Variants in BBX observed in about 807,000 individuals in gnomAD.
BBX encodes BBX high mobility group box domain containing.
A neutral mutation model predicts 100.2 loss-of-function variants in BBX; 30 were observed. The observed-to-expected ratio is 0.30, with a 90% CI of 0.22 to 0.41. The LOEUF is 0.41. BBX is among the 10% of genes least tolerant of loss of function. The probability of loss-of-function intolerance (pLI) is 1.00; values close to 1 mark genes in which losing one functional copy is unlikely to be tolerated. For missense variants in BBX, 1,023 were observed against 1,129.8 expected, an observed-to-expected ratio of 0.91 and a Z score of 1.35; for synonymous variants, 376 against 388.1, an observed-to-expected ratio of 0.97 and a Z score of 0.37.
rs1245031050 is a variant in BBX, at chr3:107,810,684, A to G, written c.*5227A>G. On this transcript the variant is annotated 3_prime_UTR_variant, in exon 18 of 18. Coordinates refer to ENST00000325805, the MANE Select transcript of BBX (RefSeq NM_001142568.3). Reference sequence around the variant, plus strand: ...AGGGAAGGTTTGCGATCTGGAGCTCAGCAACTGGCTCAGCAACGTTTTCTC... The same window carrying G: ...AGGGAAGGTTTGCGATCTGGAGCTCGGCAACTGGCTCAGCAACGTTTTCTC... The G allele has an allele frequency of 6.6e-6, 1 of 152,284 alleles. No homozygotes were observed. Among genetic ancestry groups the G allele is most frequent in the East Asian group, 1.9e-4 (1 of 5,190 alleles). 9.4% of individuals were successfully genotyped at this position (152,284 alleles called of 1,614,324 possible).
intron 2 of BBX, among the ~76,000 whole-genome samples, chr3:107,526,987 G>A (rs1378285631): frequency 2.0e-5 from 3 of 152,152 alleles, no homozygotes; most frequent in African/African-American, 7.2e-5. Flanking sequence ...GGAGAAATTA[G>A]GAACAATTCG....
intron 3 of BBX, among the ~76,000 whole-genome samples, chr3:107,676,131 T>A (rs1159617474): frequency 3.3e-5 from 5 of 152,112 alleles, no homozygotes; most frequent in Non-Finnish European, 7.4e-5. Context: ...TTAAAAAAAA[T>A]TATAGAATCT....
intron 3 of BBX, among the ~76,000 whole-genome samples, chr3:107,652,108 G>T (rs1271109284): frequency 6.6e-6 from 1 of 152,052 alleles, no homozygotes; most frequent in Admixed American, 6.6e-5. Context: ...TTTCTATTAG[G>T]TAAGTCAGTT....
chr3:107,599,767 G>T lies in BBX; in HGVS notation c.-83-46069G>T, dbSNP rs78324708. Among the ~76,000 whole-genome samples, 287 of 152,276 alleles carry T rather than the reference G, an allele frequency of 1.9e-3. 5 individuals carry two copies. The East Asian group carries it at 0.05, about 27-fold the overall frequency. ...GTAAAAAAGGTTAAATATGTGCTTC[G>T]TCCCCACATCAGGACTCCTGAAATG... On this transcript the variant is annotated intron_variant, in intron 2 of 17. Transcript: ENST00000325805.
chr3:107,632,652 A>G (rs1362998187), intron 2 of BBX, among the ~76,000 whole-genome samples: 1 of 152,206 alleles, frequency 6.6e-6, no homozygotes, highest in East Asian at 1.9e-4. Flanking sequence ...CTGAAAGGGA[A>G]TGTCCCCTGG....
intron 2 of BBX, among the ~76,000 whole-genome samples, chr3:107,544,441 C>T (rs2049068095): frequency 6.6e-6 from 1 of 152,122 alleles, no homozygotes; most frequent in African/African-American, 2.4e-5. Flanking sequence ...AGAGACCCTG[C>T]AGGCAGTTAT....
chr3:107,707,997 T>A (rs189936532), intron 3 of BBX, among the ~76,000 whole-genome samples: 1 of 152,288 alleles, frequency 6.6e-6, no homozygotes, highest in East Asian at 1.9e-4. Flanking sequence ...CTTTTACTGT[T>A]TAAAATATTA....
chr3:107,533,248 A>G (rs779137108), intron 2 of BBX, among the ~76,000 whole-genome samples: 32 of 152,220 alleles, frequency 2.1e-4, no homozygotes, highest in Non-Finnish European at 3.4e-4. Flanking sequence ...GTTTTAAATA[A>G]GGGATTGTGA....
intron 5 of BBX, among the ~76,000 whole-genome samples, chr3:107,723,432 T>A (rs184765605): frequency 3.7e-4 from 56 of 152,236 alleles, no homozygotes; most frequent in African/African-American, 1.2e-3. Context: ...TTATTATACT[T>A]TAAGTTCTAG....
chr3:107,702,894 G>C (rs2061167064), intron 3 of BBX, among the ~76,000 whole-genome samples: 1 of 152,154 alleles, frequency 6.6e-6, no homozygotes, highest in South Asian at 2.1e-4. Context: ...AAAGGACTGC[G>C]CAGAAGCATG....
At chr3:107,545,856 C>T (rs2049196641) in intron 2 of BBX, among the ~76,000 whole-genome samples, 1 of 152,108 alleles carries the variant, frequency 6.6e-6, no homozygotes, top group South Asian at 2.1e-4. Flanking sequence ...TCATTTGGCT[C>T]AGTGACATGG....
At chr3:107,751,508 A>C (rs1437260968) in intron 9 of BBX, among the ~76,000 whole-genome samples, 2 of 152,156 alleles carry the variant, frequency 1.3e-5, no homozygotes, top group African/African-American at 4.8e-5. Flanking sequence ...TGATTTCTTT[A>C]AGTCGAAAAT....
At chr3:107,791,363 G>A (rs1205747647) in intron 15 of BBX, 64 bp downstream of exon 15, 1 of 1,306,466 alleles carries the variant, frequency 7.7e-7, no homozygotes, top group Admixed American at 1.7e-5. Context: ...AGTTGTATAG[G>A]TTTTTAAAAG....
chr3:107,744,809 C>A, intron 8 of BBX, 99 bp downstream of exon 8: 1 of 946,502 alleles, frequency 1.1e-6, no homozygotes, highest in South Asian at 1.5e-5. Context: ...GAACTCTACT[C>A]AGCTCAACCA....
chr3:107,703,200 A>G (rs898247276), intron 3 of BBX, among the ~76,000 whole-genome samples: 5 of 152,242 alleles, frequency 3.3e-5, no homozygotes, highest in South Asian at 2.1e-4. Context: ...CCACTGAAGA[A>G]TAGAAATTTG....
chr3:107,674,213 T>TCTTTG (rs1195404284), intron 3 of BBX, among the ~76,000 whole-genome samples: 3 of 152,206 alleles, frequency 2.0e-5, no homozygotes, highest in African/African-American at 7.2e-5. Flanking sequence ...ATTCTGACTA[T>TCTTTG]GTAACTAATA....
intron 2 of BBX, among the ~76,000 whole-genome samples, chr3:107,636,823 G>A (rs936446135): frequency 6.6e-6 from 1 of 152,112 alleles, no homozygotes. Context: ...AATGCAGAGG[G>A]CATTTATTGA....
intron 2 of BBX, among the ~76,000 whole-genome samples, chr3:107,581,310 C>T (rs1293726803): frequency 6.6e-6 from 1 of 151,806 alleles, no homozygotes. Flanking sequence ...AAATTTAAGA[C>T]GTTTTCCCTG....
At chr3:107,745,190 C>T (rs530278166) in intron 8 of BBX, among the ~76,000 whole-genome samples, 1 of 152,232 alleles carries the variant, frequency 6.6e-6, no homozygotes, top group East Asian at 1.9e-4. Flanking sequence ...ACTTGTTCAG[C>T]TCAATAGGTC....
Sources: gnomAD v4.1 joint callset for allele counts (sites outside exome capture counted in the v4.1 genomes callset) on GRCh38, gnomAD v4.1.1 for gene constraint, MANE v1.5 for transcripts, NCBI Gene and HGNC (gene_info 2026-07-23, HGNC 2026-07-21) for gene names.